The following MYO6 variants were observed in gnomAD, a reference collection of about 807,000 sequenced individuals.
MYO6 encodes the protein myosin VI.
A neutral mutation model predicts 178.7 loss-of-function variants in MYO6; 74 were observed. The observed-to-expected ratio is 0.41, with a 90% CI of 0.34 to 0.50. The LOEUF (loss-of-function observed/expected upper bound fraction) is 0.50, where lower values mean the gene tolerates loss of function less well. MYO6 is among the 20% of genes least tolerant of loss of function. The probability of loss-of-function intolerance (pLI) is 0.09; values close to 1 mark genes in which losing one functional copy is unlikely to be tolerated. For missense variants in MYO6, 1,330 were observed against 1,547.4 expected (o/e 0.86, Z 2.36); for synonymous variants, 477 against 504.6 (o/e 0.95, Z 0.73).
intron 1 of MYO6, among the ~76,000 whole-genome samples, chr6:75,783,935 A>G (rs148868836): frequency 6.6e-6 from 1 of 152,152 alleles, no homozygotes; most frequent in Admixed American, 6.6e-5. Context: ...GTTTGTCTTA[A>G]GTGGGATCAT....
intron 1 of MYO6, among the ~76,000 whole-genome samples, chr6:75,750,341 C>A (rs1776759802): frequency 6.6e-6 from 1 of 151,926 alleles, no homozygotes; most frequent in Non-Finnish European, 1.5e-5. Context: ...TTGATCCATC[C>A]GCCTCGGTCT....
chr6:75,901,759 A>G (rs1779794684), intron 30 of MYO6, among the ~76,000 whole-genome samples: 1 of 152,104 alleles, frequency 6.6e-6, no homozygotes, highest in Admixed American at 6.5e-5. Context: ...TTCCAACACT[A>G]TGTTGAATAG....
intron 1 of MYO6, among the ~76,000 whole-genome samples, chr6:75,800,854 G>A (rs190311533): frequency 3.9e-5 from 6 of 152,226 alleles, no homozygotes; most frequent in East Asian, 3.9e-4. Context: ...CTGAATAGCC[G>A]GAATTACAGG....
chr6:75,846,819 G>A (rs1275284766), intron 10 of MYO6, among the ~76,000 whole-genome samples: 2 of 152,144 alleles, frequency 1.3e-5, no homozygotes, highest in Admixed American at 1.3e-4. Context: ...CCAAAGAGTA[G>A]CATGTACTCT....
At chr6:75,863,082 C>T (rs1213217182) in intron 16 of MYO6, among the ~76,000 whole-genome samples, 1 of 150,254 alleles carries the variant, frequency 6.7e-6, no homozygotes, top group Non-Finnish European at 1.5e-5. Context: ...AGAGCAAGAT[C>T]CTGTGTCAAA....
chr6:75,864,908 G>A (rs1776520181), intron 16 of MYO6, among the ~76,000 whole-genome samples: 2 of 152,108 alleles, frequency 1.3e-5, no homozygotes, highest in South Asian at 2.1e-4. Flanking sequence ...AGACATACAA[G>A]GAGAGGTTAA....
chr6:75,799,097 G>C (rs1471761909), intron 1 of MYO6, among the ~76,000 whole-genome samples: 1 of 152,132 alleles, frequency 6.6e-6, no homozygotes, highest in Non-Finnish European at 1.5e-5. Context: ...ACTTCTGAAA[G>C]AAATCAGAAA....
intron 1 of MYO6, among the ~76,000 whole-genome samples, chr6:75,778,717 T>C (rs899624001): frequency 6.6e-6 from 1 of 151,488 alleles, no homozygotes; most frequent in African/African-American, 2.4e-5. Context: ...GCCATTTGAG[T>C]TTGTTTGCTA....
Position 75,886,946 on chromosome 6 carries a change from G to A in MYO6, c.2610G>A (p.Gln870=), listed in dbSNP as rs1270813361. 6.2e-7 allele frequency: 1 copy of A among 1,613,710 alleles called. No homozygotes were observed. Among genetic ancestry groups the A allele is most frequent in the Admixed American group, 1.7e-5 (1 of 60,006 alleles). Residue 870 remains glutamine, a synonymous_variant, in exon 25 of 35, where the codon CAG becomes CAA. Transcript: ENST00000369977. ...ATGGAAAACCCGAGATGAATAAACA[G>A]ATCAAGAATCTGGAAATTTCTATTG... The part of the protein sequence containing the change: ...LKDGKPEMNK[Q]IKNLEISIDT...
intron 1 of MYO6, among the ~76,000 whole-genome samples, chr6:75,798,345 T>C (rs912265840): frequency 3.9e-5 from 6 of 152,306 alleles, no homozygotes; most frequent in African/African-American, 1.4e-4. Flanking sequence ...GGTCTGTCTG[T>C]TTTTGTACCA....
chr6:75,791,255 A>G (rs1458429053), intron 1 of MYO6, among the ~76,000 whole-genome samples: 1 of 152,134 alleles, frequency 6.6e-6, no homozygotes, highest in Non-Finnish European at 1.5e-5. Context: ...TTTTAATTGT[A>G]AAGAATAATT....
chr6:75,839,868 C>G (rs1297697015), intron 7 of MYO6, among the ~76,000 whole-genome samples: 3 of 151,876 alleles, frequency 2.0e-5, no homozygotes, highest in African/African-American at 7.3e-5. Context: ...TCAAATAATA[C>G]ATCTCTTGCC....
chr6:75,898,563 C>T (rs755112413), intron 30 of MYO6, 152 bp downstream of exon 30: 25 of 692,778 alleles, frequency 3.6e-5, no homozygotes, highest in Non-Finnish European at 6.3e-5. Flanking sequence ...TATCACTTCT[C>T]CCTCACCCCA....
intron 1 of MYO6, among the ~76,000 whole-genome samples, chr6:75,781,288 G>A (rs568303141): frequency 2.0e-5 from 3 of 152,256 alleles, no homozygotes; most frequent in Admixed American, 2.0e-4. Context: ...GAATGACTTC[G>A]GGGAGGAGGA....
At position 75,891,217 on chromosome 6, in the gene MYO6, T is replaced by G. The variant is rs1240196908; in HGVS notation, c.2868-11T>G. 6.3e-7 allele frequency: 1 copy of G among 1,576,882 alleles called. No individual in the cohort carries two copies. Among genetic ancestry groups the G allele is most frequent in the Admixed American group, 1.7e-5 (1 of 58,896 alleles). ...TGTTAAATTTTTGAAGAGTTTTCTATTTTTTATTAGGAAACTTGAGATGGA... is the reference window on the plus strand; with the variant it reads ...TGTTAAATTTTTGAAGAGTTTTCTAGTTTTTATTAGGAAACTTGAGATGGA... On this transcript the variant is annotated splice_polypyrimidine_tract_variant and intron_variant, in intron 26 of 34. Coordinates refer to ENST00000369977, the MANE Select transcript of MYO6 (RefSeq NM_004999.4).
At chr6:75,894,841 G>A in intron 28 of MYO6, 1 of 1,511,838 alleles carries the variant, frequency 6.6e-7, no homozygotes, top group Admixed American at 2.1e-5. Context: ...TAACTTCTAA[G>A]TAAGAATTGT....
intron 7 of MYO6, among the ~76,000 whole-genome samples, chr6:75,839,270 G>A (rs922972720): frequency 4.6e-5 from 7 of 151,860 alleles, no homozygotes; most frequent in Admixed American, 1.3e-4. Context: ...CTCGCTGCAA[G>A]CTCTGCCTCC....
intron 10 of MYO6, 35 bp downstream of exon 10, chr6:75,845,012 T>TAA (rs755326528): frequency 6.6e-7 from 1 of 1,510,360 alleles, no homozygotes; most frequent in Non-Finnish European, 9.2e-7. Flanking sequence ...ATCTTTAACT[T>TAA]AAAAAAAAAC....
At chr6:75,882,705 A>G (rs958470827) in intron 23 of MYO6, among the ~76,000 whole-genome samples, 2 of 127,658 alleles carry the variant, frequency 1.6e-5, no homozygotes, top group Non-Finnish European at 3.8e-5. Context: ...ACTTTTCACA[A>G]TAAAATAGGC....
Sources: allele counts gnomAD v4.1 joint callset (sites outside exome capture counted in the v4.1 genomes callset), GRCh38; gene constraint gnomAD v4.1.1; transcripts MANE v1.5; gene names NCBI Gene and HGNC (gene_info 2026-07-23, HGNC 2026-07-21).